The following TMEM132D variants were observed in gnomAD, a reference collection of about 807,000 sequenced individuals.
TMEM132D encodes the protein mature OL transmembrane protein.
A neutral mutation model predicts 62.3 loss-of-function variants in TMEM132D; 21 were observed. That is an observed-to-expected ratio of 0.34 (90% confidence interval 0.24 to 0.49). The LOEUF is 0.49. Ranked by LOEUF, TMEM132D falls within the 20% of genes least tolerant of loss-of-function variation. The probability of loss-of-function intolerance (pLI) is 0.99; values close to 1 mark genes in which losing one functional copy is unlikely to be tolerated. For missense variants in TMEM132D, 1,346 were observed against 1,402.8 expected, an observed-to-expected ratio of 0.96 and a Z score of 0.65; for synonymous variants, 621 against 575.6, an observed-to-expected ratio of 1.08 and a Z score of -1.13.
intron 2 of TMEM132D, among the ~76,000 whole-genome samples, chr12:129,588,740 A>ATTTT (rs71451320): frequency 0.024 from 746 of 31,036 alleles, 25 homozygotes; most frequent in African/African-American, 0.069. Flanking sequence ...ACGCCCAGCT[A>ATTTT]TTTTTTTCTT....
At chr12:129,809,997 G>A (rs946478890) in intron 1 of TMEM132D, among the ~76,000 whole-genome samples, 3 of 152,126 alleles carry the variant, frequency 2.0e-5, no homozygotes, top group East Asian at 1.9e-4. Flanking sequence ...AGGAGTCCTC[G>A]CTATGGAAAA....
intron 1 of TMEM132D, among the ~76,000 whole-genome samples, chr12:129,792,954 A>G (rs1871444145): frequency 6.6e-6 from 1 of 152,174 alleles, no homozygotes; most frequent in Non-Finnish European, 1.5e-5. Flanking sequence ...ATTCTACCCA[A>G]TATTTCTTTC....
At chr12:129,777,607 G>A (rs946430379) in intron 1 of TMEM132D, among the ~76,000 whole-genome samples, 7 of 152,130 alleles carry the variant, frequency 4.6e-5, no homozygotes, top group Non-Finnish European at 8.8e-5. Flanking sequence ...ATGATCAGGG[G>A]TTTACTGTAA....
intron 1 of TMEM132D, among the ~76,000 whole-genome samples, chr12:129,801,366 G>A (rs1207484395): frequency 8.0e-6 from 1 of 125,034 alleles, no homozygotes; most frequent in South Asian, 2.7e-4. Flanking sequence ...ACTGCCTCAA[G>A]TGGGTCCCTG....
chr12:129,788,701 G>A lies in TMEM132D; in HGVS notation c.80-88003C>T, dbSNP rs77539377. On this transcript the variant is annotated intron_variant, in intron 1 of 8. Transcript: ENST00000422113. ...GAACAAGCATTTTGAGCATAAATTC[G>A]TGCCAGACACTATACCAGGGTATGA... Among the ~76,000 whole-genome samples, 1,117 of 152,268 alleles carry A rather than the reference G, an allele frequency of 7.3e-3. 13 individuals carry two copies. The highest frequency in any genetic ancestry group is 0.025 in the African/African-American group (1,019 of 41,544).
intron 4 of TMEM132D, among the ~76,000 whole-genome samples, chr12:129,279,792 G>A (rs1043941652): frequency 4.6e-5 from 7 of 152,162 alleles, no homozygotes; most frequent in Admixed American, 1.3e-4. Context: ...GCGTCCGATG[G>A]TGATCTCATG....
At position 129,360,198 on chromosome 12, in the gene TMEM132D, G is replaced by A. The variant is rs896581730; in HGVS notation, c.1116-22381C>T. 2.0e-5 allele frequency among the ~76,000 whole-genome samples: 3 copies of A among 152,140 alleles called. No individual in the cohort carries two copies. The South Asian group carries it at 6.2e-4, about 32-fold the overall frequency. The stretch of plus-strand genomic sequence containing the variant: ...AACCCCGGTGATGATGACAGCCAGA[G>A]ACACACCCCACAACCTCCAAAGAGA... On this transcript the variant is annotated intron_variant, in intron 3 of 8. Transcript: ENST00000422113.
At chr12:129,756,486 G>A (rs1374819405) in intron 1 of TMEM132D, among the ~76,000 whole-genome samples, 1 of 152,130 alleles carries the variant, frequency 6.6e-6, no homozygotes, top group Non-Finnish European at 1.5e-5. Context: ...AATTTATGCA[G>A]ACAGAAAGTA....
chr12:129,540,762 T>G (rs530205075), intron 2 of TMEM132D, among the ~76,000 whole-genome samples: 1 of 152,268 alleles, frequency 6.6e-6, no homozygotes, highest in East Asian at 1.9e-4. Flanking sequence ...AGTAACGAGA[T>G]TACAGGTGTG....
chr12:129,626,414 A>G (rs1487173490), intron 2 of TMEM132D, among the ~76,000 whole-genome samples: 2 of 152,210 alleles, frequency 1.3e-5, no homozygotes, highest in African/African-American at 2.4e-5. Flanking sequence ...TTGTGTGTAC[A>G]GTATTTGCAT....
At chr12:129,534,303 T>C (rs545016857) in intron 2 of TMEM132D, among the ~76,000 whole-genome samples, 1 of 152,230 alleles carries the variant, frequency 6.6e-6, no homozygotes, top group Non-Finnish European at 1.5e-5. Context: ...AAAGCCATAA[T>C]TTTCCCCATA....
chr12:129,464,334 T>C (rs1420767574), intron 3 of TMEM132D, among the ~76,000 whole-genome samples: 1 of 152,236 alleles, frequency 6.6e-6, no homozygotes, highest in African/African-American at 2.4e-5. Flanking sequence ...TTTTTTCTTG[T>C]AAATTTATTT....
intron 4 of TMEM132D, among the ~76,000 whole-genome samples, chr12:129,241,594 C>A (rs1879938729): frequency 6.6e-6 from 1 of 152,208 alleles, no homozygotes; most frequent in Non-Finnish European, 1.5e-5. Flanking sequence ...AGCACCACTT[C>A]CTTGGAGAAG....
At chr12:129,141,251 AT>A (rs1299134984) in intron 5 of TMEM132D, among the ~76,000 whole-genome samples, 1 of 152,200 alleles carries the variant, frequency 6.6e-6, no homozygotes, top group Non-Finnish European at 1.5e-5. Context: ...TTATTCATTC[AT>A]CCAAGAGATG....
chr12:129,269,922 G>C (rs558554672), intron 4 of TMEM132D, among the ~76,000 whole-genome samples: 3 of 152,120 alleles, frequency 2.0e-5, no homozygotes, highest in Non-Finnish European at 4.4e-5. Context: ...CAACCAAGGC[G>C]TCTGAAAGGA....
At chr12:129,601,120 T>A (rs1878471030) in intron 2 of TMEM132D, among the ~76,000 whole-genome samples, 1 of 152,226 alleles carries the variant, frequency 6.6e-6, no homozygotes, top group Admixed American at 6.5e-5. Flanking sequence ...TCTGGAGAAC[T>A]TGCTGCAGCT....
chr12:129,601,347 GTCAT>G (rs1430119615), intron 2 of TMEM132D, among the ~76,000 whole-genome samples: 1 of 152,150 alleles, frequency 6.6e-6, no homozygotes, highest in Non-Finnish European at 1.5e-5. Context: ...TTCTATCCAG[GTCAT>G]TCAAACTTTC....
In TMEM132D at chr12:129,257,157, G is replaced by A. The variant is rs1880424457; in HGVS notation, c.1300-47494C>T. ...GTGGCAGATGAGTCAATTGATCATG[G>A]AAGTGGGAAGCATTTTTATGGGCAT... is the stretch of plus-strand genomic sequence containing the variant. On this transcript the variant is annotated intron_variant, in intron 4 of 8. Coordinates refer to ENST00000422113, the MANE Select transcript of TMEM132D (RefSeq NM_133448.3). Among the ~76,000 whole-genome samples, 3 of 151,968 alleles carry A rather than the reference G, an allele frequency of 2.0e-5. No homozygotes were observed. The South Asian group carries it at 6.2e-4, about 32-fold the overall frequency.
intron 5 of TMEM132D, among the ~76,000 whole-genome samples, chr12:129,125,805 G>GT (rs924474368): frequency 1.6e-4 from 25 of 152,084 alleles, no homozygotes; most frequent in African/African-American, 6.0e-4. Context: ...TCTTGACTCT[G>GT]TACCTGCTGC....
Sources: allele counts gnomAD v4.1 joint callset (sites outside exome capture counted in the v4.1 genomes callset), GRCh38; gene constraint gnomAD v4.1.1; transcripts MANE v1.5; gene names NCBI Gene and HGNC (gene_info 2026-07-23, HGNC 2026-07-21).